CR1: variants seen among roughly 807,000 people sequenced by gnomAD.
CR1 encodes complement receptor type 1.
CR1 carries 116 observed loss-of-function variants against 187.3 expected under a neutral mutation model. The ratio of observed to expected loss-of-function variants is 0.62; its 90% CI spans 0.53 to 0.72. The LOEUF (loss-of-function observed/expected upper bound fraction) is 0.72. Ranked by LOEUF, CR1 falls within the 30% of genes least tolerant of loss-of-function variation. CR1 has a pLI of 0.00. For missense variants in CR1, 1,731 were observed against 2,110.7 expected (o/e 0.82, Z 3.52); for synonymous variants, 576 against 747.1 (o/e 0.77, Z 3.73).
intron 4 of CR1, among the ~76,000 whole-genome samples, chr1:207,518,603 G>A (rs1331246619): frequency 6.6e-6 from 1 of 152,208 alleles, no homozygotes; most frequent in Non-Finnish European, 1.5e-5. Flanking sequence ...TCTGCAAGCT[G>A]TTCTGTGCCT....
At chr1:207,609,267 T>C in intron 36 of CR1, 23 bp from the exon 37 acceptor site, 1 of 1,542,132 alleles carries the variant, frequency 6.5e-7, no homozygotes. Flanking sequence ...TAAGCTGTTT[T>C]ACCATACTCT....
chr1:207,544,719 T>C (rs1371402680), intron 13 of CR1, among the ~76,000 whole-genome samples: 3 of 148,052 alleles, frequency 2.0e-5, no homozygotes, highest in Non-Finnish European at 2.9e-5. Context: ...GTGAAATGAA[T>C]GACTAGGCAG....
intron 3 of CR1, among the ~76,000 whole-genome samples, chr1:207,510,131 C>T (rs550745030): frequency 6.6e-5 from 10 of 152,052 alleles, no homozygotes; most frequent in East Asian, 1.9e-4. Flanking sequence ...CTCTTGAATC[C>T]GGGAGGTGGA....
chr1:207,600,541 T>C (rs777118342), intron 35 of CR1: 71 of 152,266 alleles, frequency 4.7e-4, no homozygotes, highest in Non-Finnish European at 8.5e-4. Flanking sequence ...AAGCAAATGA[T>C]ACATTAAAAA....
chr1:207,522,997 G>T (rs1242412649), intron 4 of CR1, among the ~76,000 whole-genome samples: 1 of 152,046 alleles, frequency 6.6e-6, no homozygotes, highest in Non-Finnish European at 1.5e-5. Context: ...GAGTTGGTAA[G>T]CTTCATATCT....
At chr1:207,506,945 GT>G in intron 3 of CR1, 132 bp downstream of exon 3, 1 of 688,874 alleles carries the variant, frequency 1.5e-6, no homozygotes, top group Non-Finnish European at 2.4e-6. Context: ...CAACACAGAT[GT>G]TTAGCTCCTG....
At position 207,626,725 on chromosome 1, in the gene CR1, A is replaced by T. The variant is rs151161258; in HGVS notation, c.7352+3657A>T. On this transcript the variant is annotated intron_variant, in intron 45 of 46. Coordinates refer to ENST00000367049, the MANE Select transcript of CR1 (RefSeq NM_000651.6). ...GAGACAATTCAGAAGCTGCATAAGC[A>T]GTCTGAAGACTTACTAAGAAACTAA... Among the ~76,000 whole-genome samples the T allele has an allele frequency of 7.8e-3, 1,188 of 152,358 alleles. 20 individuals carry two copies. The highest frequency in any genetic ancestry group is 0.027 in the African/African-American group (1,134 of 41,576).
intron 1 of CR1, among the ~76,000 whole-genome samples, chr1:207,503,008 A>T (rs1659319785): frequency 6.6e-6 from 1 of 152,210 alleles, no homozygotes; most frequent in Admixed American, 6.5e-5. Context: ...AAGGAGCAGA[A>T]AATGAACTCT....
chr1:207,524,043 A>G (rs764786917), intron 5 of CR1, 34 bp downstream of exon 5: 1 of 1,611,746 alleles, frequency 6.2e-7, no homozygotes, highest in Non-Finnish European at 8.5e-7. Context: ...GGGCCCTGCC[A>G]GTGACATGCG....
intron 28 of CR1, among the ~76,000 whole-genome samples, chr1:207,577,048 C>G (rs536208061): frequency 6.6e-6 from 1 of 151,888 alleles, no homozygotes; most frequent in Admixed American, 6.6e-5. Flanking sequence ...GTCAGGAGTT[C>G]GAGACCAGCC....
At chr1:207,613,956 G>A (rs1349549771) in intron 39 of CR1, among the ~76,000 whole-genome samples, 1 of 152,060 alleles carries the variant, frequency 6.6e-6, no homozygotes, top group Non-Finnish European at 1.5e-5. Flanking sequence ...CTTTCTAGAT[G>A]TTCCTGGCTT....
chr1:207,581,575 C>T (rs1221616087), intron 31 of CR1, among the ~76,000 whole-genome samples: 2 of 151,886 alleles, frequency 1.3e-5, no homozygotes, highest in African/African-American at 4.8e-5. Context: ...GATAAAATAA[C>T]ATGCAAAGAT....
At chr1:207,634,291 T>A (rs527737645) in intron 46 of CR1, among the ~76,000 whole-genome samples, 17 of 152,344 alleles carry the variant, frequency 1.1e-4, no homozygotes, top group African/African-American at 4.1e-4. Context: ...TGACTACTGA[T>A]CACTTTTCGG....
At chr1:207,524,137 T>A (rs575402135) in intron 5 of CR1, 128 bp downstream of exon 5, 1 of 1,572,772 alleles carries the variant, frequency 6.4e-7, no homozygotes, top group East Asian at 2.3e-5. Flanking sequence ...TTCTAGGTAG[T>A]GAACATGAAA....
At chr1:207,564,525 CA>C (rs1660428379) in intron 23 of CR1, among the ~76,000 whole-genome samples, 1 of 149,766 alleles carries the variant, frequency 6.7e-6, no homozygotes, top group Non-Finnish European at 1.5e-5. Context: ...ATCAGCCAGG[CA>C]CGGTGGCTCA....
At position 207,506,006 on chromosome 1, in the gene CR1, C is replaced by G. The variant is rs1659419306; in HGVS notation, c.224C>G (p.Pro75Arg). 1 of 1,613,904 alleles carries G rather than the reference C, an allele frequency of 6.2e-7. No homozygotes were observed. The highest frequency in any genetic ancestry group is 8.5e-7 in the Non-Finnish European group (1 of 1,179,874). ...IGTYLNYECR[P>R]GYSGRPFSII... The stretch of plus-strand genomic sequence containing the variant: ...ACATATCTGAACTATGAATGCCGCC[C>G]TGGTTATTCCGGAAGACCGTTTTCT... Residue 75 changes from proline (P) to arginine (R), a missense_variant, in exon 2 of 47, where the codon CCT (proline) becomes CGT (arginine). This residue lies in a region of CR1 where 237 missense variants were observed against 240.4 expected (regional missense o/e 0.99). Coordinates refer to ENST00000367049, the MANE Select transcript of CR1 (RefSeq NM_000651.6).
chr1:207,504,316 T>C (rs1302358591), intron 1 of CR1, among the ~76,000 whole-genome samples: 1 of 152,180 alleles, frequency 6.6e-6, no homozygotes, highest in African/African-American at 2.4e-5. Flanking sequence ...AAAGTAGAAT[T>C]TTAGGCAAGA....
chr1:207,519,585 C>A (rs553610746), intron 4 of CR1, among the ~76,000 whole-genome samples: 1 of 152,290 alleles, frequency 6.6e-6, no homozygotes, highest in East Asian at 1.9e-4. Flanking sequence ...TAGTTAATTC[C>A]ATTTATGTCC....
intron 4 of CR1, among the ~76,000 whole-genome samples, chr1:207,513,397 C>T (rs375157669): frequency 6.6e-6 from 1 of 152,148 alleles, no homozygotes; most frequent in African/African-American, 2.4e-5. Flanking sequence ...GAGAATGAAC[C>T]GTTGCAGAGG....
Sources: allele counts gnomAD v4.1 joint callset (sites outside exome capture counted in the v4.1 genomes callset), GRCh38; gene constraint gnomAD v4.1.1; regional missense constraint gnomAD v4.1.1; transcripts MANE v1.5; gene names NCBI Gene and HGNC (gene_info 2026-07-23, HGNC 2026-07-21).